MIAT: variants seen among roughly 807,000 people sequenced by gnomAD.
MIAT encodes MI related novel mRNA.
At chr22:26,667,333 A>AGTGTGTGTGTGTGTGTGTGTGTGTGTGT (rs61442362) in intron 5 of MIAT, 45 of 390,944 alleles carry the variant, frequency 1.2e-4, no homozygotes, top group African/African-American at 8.6e-4. Flanking sequence ...TCCTGGGAGC[A>AGTGTGTGTGTGTGTGTGTGTGTGTGTGT]GTGTGTGTGT....
chr22:26,673,410 G>A (rs60806642), downstream of MIAT: 4 of 398,960 alleles, frequency 1.0e-5, no homozygotes, highest in African/African-American at 8.2e-5. Flanking sequence ...ACTGCCCCAG[G>A]GGCTGACCAC....
chr22:26,674,584 A>C (rs1931191696), downstream of MIAT: 1 of 398,694 alleles, frequency 2.5e-6, no homozygotes, highest in Non-Finnish European at 4.4e-6. Context: ...AACCAATTGT[A>C]GTTGGCAGTG....
exon 4 of MIAT, chr22:26,665,895 T>C (rs1930827428): frequency 2.5e-6 from 1 of 398,538 alleles, no homozygotes; most frequent in African/African-American, 2.1e-5. Flanking sequence ...GACTTCATCT[T>C]GTGTACTTGT....
chr22:26,667,538 CT>C (rs1300613632), intron 5 of MIAT, among the ~76,000 whole-genome samples: 1 of 152,160 alleles, frequency 6.6e-6, no homozygotes, highest in African/African-American at 2.4e-5. Context: ...TTCCCATCCC[CT>C]CAAACCCTTG....
At chr22:26,658,708 G>T (rs889283031) in intron 2 of MIAT, among the ~76,000 whole-genome samples, 1 of 152,212 alleles carries the variant, frequency 6.6e-6, no homozygotes, top group Non-Finnish European at 1.5e-5. Context: ...GCTGCCCGGC[G>T]CCTGGGATTG....
rs140002582 is a variant in MIAT at position 26,649,696 on chromosome 22, C to T, written n.646+2385C>T. On this transcript the variant is annotated intron_variant and non_coding_transcript_variant, in intron 2 of 5. Coordinates refer to ENST00000643270, the Ensembl canonical transcript of MIAT. ...TTGGGACACTGAGGCGGGTGGATCA[C>T]GAGGTCAAGAGATTGAGACTATCCT... Among the ~76,000 whole-genome samples, 712 of 152,288 alleles carry T rather than the reference C, an allele frequency of 4.7e-3. 10 individuals carry two copies. Among genetic ancestry groups the T allele is most frequent in the Non-Finnish European group, 7.0e-3 (479 of 68,020 alleles).
chr22:26,672,911 G>C, downstream of MIAT: 1 of 398,476 alleles, frequency 2.5e-6, no homozygotes, highest in Non-Finnish European at 4.4e-6. Context: ...TCAGTGAGAG[G>C]ACTCTTTCCC....
At chr22:26,656,549 C>T (rs1602356621) in intron 2 of MIAT, among the ~76,000 whole-genome samples, 1 of 150,612 alleles carries the variant, frequency 6.6e-6, no homozygotes, top group South Asian at 2.1e-4. Context: ...AACTCTTGAC[C>T]TCAGGTGATC....
At chr22:26,671,951 A>G (rs533716499), downstream of MIAT, 66 of 398,588 alleles carry the variant, frequency 1.7e-4, no homozygotes, top group South Asian at 8.2e-3. Context: ...GGGGCAAGAC[A>G]CTTGGCTTTG....
At chr22:26,652,034 C>A (rs1476134578) in intron 2 of MIAT, among the ~76,000 whole-genome samples, 2 of 152,184 alleles carry the variant, frequency 1.3e-5, no homozygotes, top group Non-Finnish European at 2.9e-5. Flanking sequence ...TGCTCTGTTG[C>A]CCATGCTGGA....
intron 5 of MIAT, chr22:26,668,140 C>T (rs948157314): frequency 1.3e-5 from 5 of 398,464 alleles, no homozygotes; most frequent in East Asian, 1.1e-4. Context: ...CATCCTCACT[C>T]GCTGTCTTCT....
chr22:26,664,793 G>T (rs1930786606), intron 3 of MIAT, among the ~76,000 whole-genome samples: 1 of 152,154 alleles, frequency 6.6e-6, no homozygotes, highest in African/African-American at 2.4e-5. Flanking sequence ...CCTAACTGTG[G>T]TATATACATA....
At chr22:26,665,351 A>G in intron 3 of MIAT, 1 of 397,912 alleles carries the variant, frequency 2.5e-6, no homozygotes, top group Non-Finnish European at 4.4e-6. Flanking sequence ...AGTTTCCTCC[A>G]GGTTTCTCTA....
chr22:26,667,353 T>TGTGTGTGTGTGTGTGTGTGTGC (rs1491414770), intron 5 of MIAT: 1 of 395,836 alleles, frequency 2.5e-6, no homozygotes, highest in African/African-American at 2.1e-5. Flanking sequence ...TGTGTGTGTG[T>TGTGTGTGTGTGTGTGTGTGTGC]GCGTGTGCAC....
chr22:26,660,125 C>T (rs959927313), intron 2 of MIAT, among the ~76,000 whole-genome samples: 3 of 151,508 alleles, frequency 2.0e-5, no homozygotes, highest in South Asian at 2.1e-4. Context: ...CGTGAGCCCC[C>T]ACACCTGACC....
intron 2 of MIAT, chr22:26,647,328 A>G (rs1440329916): frequency 2.1e-5 from 4 of 191,508 alleles, no homozygotes; most frequent in Admixed American, 6.9e-5. Context: ...TTCTCCCATG[A>G]TGAACCTCAC....
At chr22:26,667,206 T>C in exon 5 of MIAT, 5 of 398,654 alleles carry the variant, frequency 1.3e-5, no homozygotes. Flanking sequence ...ACCAAGCAAC[T>C]TCTCTGAGCC....
downstream of MIAT, chr22:26,671,627 G>C (rs892025032): frequency 2.0e-5 from 8 of 398,706 alleles, no homozygotes; most frequent in African/African-American, 1.0e-4. Context: ...TATGGGCTGG[G>C]ATCTTTGTGC....
chr22:26,648,407 G>A (rs1930276332), intron 2 of MIAT, among the ~76,000 whole-genome samples: 1 of 152,200 alleles, frequency 6.6e-6, no homozygotes, highest in Admixed American at 6.5e-5. Context: ...CAGAGGCGAG[G>A]TGCATGGAGC....
Sources: gnomAD v4.1 joint callset for allele counts (sites outside exome capture counted in the v4.1 genomes callset) on GRCh38, gnomAD v4.1.1 for gene constraint, MANE v1.5 for transcripts, NCBI Gene and HGNC (gene_info 2026-07-23, HGNC 2026-07-21) for gene names.